The following ITSN1 variants were observed in gnomAD, a reference collection of about 807,000 sequenced individuals.
The protein encoded by ITSN1 is intersectin-1.
A neutral mutation model predicts 239.8 loss-of-function variants in ITSN1; 58 were observed. That is an observed-to-expected ratio of 0.24 (90% CI 0.20 to 0.30). The LOEUF is 0.30. ITSN1 is among the 10% of genes least tolerant of loss of function. The pLI is 1.00. For missense variants in ITSN1, 1,558 were observed against 2,103.3 expected (o/e 0.74, Z 5.07); for synonymous variants, 780 against 770.8 (o/e 1.01, Z -0.20).
At chr21:33,825,200 A>AC (rs1328936568) in intron 25 of ITSN1, among the ~76,000 whole-genome samples, 4 of 152,158 alleles carry the variant, frequency 2.6e-5, no homozygotes, top group Non-Finnish European at 5.9e-5. Flanking sequence ...ACACACAGTG[A>AC]CTTTTTTTTT....
chr21:33,759,588 G>A (rs571151945), intron 8 of ITSN1, among the ~76,000 whole-genome samples: 1 of 152,272 alleles, frequency 6.6e-6, no homozygotes, highest in African/African-American at 2.4e-5. Context: ...ACTAAAGAAA[G>A]TGATGCCTGA....
intron 1 of ITSN1, among the ~76,000 whole-genome samples, chr21:33,647,272 A>G (rs1230486194): frequency 6.6e-6 from 1 of 152,208 alleles, no homozygotes; most frequent in Admixed American, 6.5e-5. Context: ...CCGTAAGTCT[A>G]CTACCTGCAT....
chr21:33,849,587 CCT>C (rs2075095924), intron 29 of ITSN1, among the ~76,000 whole-genome samples: 2 of 148,114 alleles, frequency 1.4e-5, no homozygotes, highest in Non-Finnish European at 3.0e-5. Context: ...AAAAAAAAGA[CCT>C]AGTATTTGAT....
intron 11 of ITSN1, among the ~76,000 whole-genome samples, chr21:33,770,541 A>T (rs1173609160): frequency 6.6e-6 from 1 of 151,770 alleles, no homozygotes; most frequent in Non-Finnish European, 1.5e-5. Context: ...TACTTTCCTC[A>T]CCTCACAACA....
At chr21:33,647,751 C>T (rs776168413) in intron 1 of ITSN1, among the ~76,000 whole-genome samples, 1 of 152,214 alleles carries the variant, frequency 6.6e-6, no homozygotes, top group Non-Finnish European at 1.5e-5. Context: ...CTGCCTCAGC[C>T]TCCCAAAGTG....
intron 1 of ITSN1, among the ~76,000 whole-genome samples, chr21:33,654,771 A>G (rs1349109711): frequency 6.6e-6 from 1 of 152,206 alleles, no homozygotes; most frequent in Non-Finnish European, 1.5e-5. Flanking sequence ...GGACTAAGAA[A>G]GATGATTTAT....
chr21:33,688,875 TGCAGTGGC>T (rs1025894085), intron 1 of ITSN1, among the ~76,000 whole-genome samples: 127 of 151,338 alleles, frequency 8.4e-4, no homozygotes, highest in African/African-American at 3.0e-3. Flanking sequence ...GGTGCAGTGG[TGCAGTGGC>T]ACGATCTCGG....
Position 33,775,311 on chromosome 21 carries a change from T to A in ITSN1, c.1596+203T>A, listed in dbSNP as rs114038824. ...TCAGCAAATATTTACTGAGCACTGC[T>A]TCGGGCCAGGTGCTTTTGCAGTTTC... On this transcript the variant is annotated intron_variant, in intron 14 of 39. Coordinates refer to ENST00000381318, the MANE Select transcript of ITSN1 (RefSeq NM_003024.3). 5.2e-3 allele frequency among the ~76,000 whole-genome samples: 799 copies of A among 152,306 alleles called. 5 individuals are homozygous for A. The highest frequency in any genetic ancestry group is 0.019 in the African/African-American group (771 of 41,586).
chr21:33,845,883 C>A (rs2074974444), intron 29 of ITSN1, among the ~76,000 whole-genome samples: 1 of 152,192 alleles, frequency 6.6e-6, no homozygotes, highest in Non-Finnish European at 1.5e-5. Context: ...CATGGGAGTC[C>A]CTCCTCAGAG....
rs1986832553 is a variant in ITSN1, at chr21:33,897,205, A to AATT, written c.*8905_*8906insATT. 2 of 152,302 alleles carry AATT rather than the reference A, an allele frequency of 1.3e-5. No individual in the cohort carries two copies. Among genetic ancestry groups the AATT allele is most frequent in the South Asian group, 4.1e-4 (2 of 4,832 alleles). The allele number at this position is 152,302 out of a possible 1,614,324, so 9.4% of individuals were successfully genotyped here. ...TGCATTTAAAGCCTACATGGCCAAT[A>AATT]GCCCAAGTATCTTTGAACTGTGAAA... On this transcript the variant is annotated 3_prime_UTR_variant, in exon 40 of 40. Coordinates refer to ENST00000381318, the MANE Select transcript of ITSN1 (RefSeq NM_003024.3).
chr21:33,810,385 A>G (rs2072816936), intron 20 of ITSN1, among the ~76,000 whole-genome samples: 1 of 152,218 alleles, frequency 6.6e-6, no homozygotes, highest in South Asian at 2.1e-4. Flanking sequence ...GCTGTAAATA[A>G]TGACTTCCTT....
chr21:33,658,621 G>A (rs1211542671), intron 1 of ITSN1, among the ~76,000 whole-genome samples: 1 of 152,178 alleles, frequency 6.6e-6, no homozygotes, highest in Non-Finnish European at 1.5e-5. Context: ...GTTACTGGCT[G>A]CATGACTGTA....
At chr21:33,857,757 A>G (rs1303439493) in intron 30 of ITSN1, among the ~76,000 whole-genome samples, 1 of 152,176 alleles carries the variant, frequency 6.6e-6, no homozygotes, top group Non-Finnish European at 1.5e-5. Flanking sequence ...TTAAATATGC[A>G]GTTCAGGATG....
chr21:33,885,373 C>A, intron 37 of ITSN1, 66 bp from the exon 38 acceptor site: 1 of 1,400,958 alleles, frequency 7.1e-7, no homozygotes, highest in Non-Finnish European at 1.0e-6. Flanking sequence ...CATTGTGAGG[C>A]TCACAGAGAT....
At chr21:33,850,184 C>T (rs908615450) in intron 29 of ITSN1, among the ~76,000 whole-genome samples, 1 of 151,394 alleles carries the variant, frequency 6.6e-6, no homozygotes, top group African/African-American at 2.5e-5. Context: ...GCCTGGCAAC[C>T]CCTGTGGACT....
At chr21:33,707,379 G>A (rs2092284585) in intron 1 of ITSN1, among the ~76,000 whole-genome samples, 1 of 152,048 alleles carries the variant, frequency 6.6e-6, no homozygotes, top group South Asian at 2.1e-4. Flanking sequence ...TCCCACCTTG[G>A]CATCCCAAAG....
At chr21:33,676,669 G>A (rs944914195) in intron 1 of ITSN1, among the ~76,000 whole-genome samples, 2 of 152,314 alleles carry the variant, frequency 1.3e-5, no homozygotes, top group Non-Finnish European at 2.9e-5. Flanking sequence ...TGGTTGCACT[G>A]TGCAAACATT....
intron 1 of ITSN1, among the ~76,000 whole-genome samples, chr21:33,649,263 G>A (rs766175558): frequency 2.0e-5 from 3 of 152,210 alleles, no homozygotes; most frequent in Non-Finnish European, 4.4e-5. Flanking sequence ...CTTCCTGAAT[G>A]TGAAGGCCTC....
At chr21:33,710,515 A>C (rs2092385203) in intron 1 of ITSN1, among the ~76,000 whole-genome samples, 1 of 152,148 alleles carries the variant, frequency 6.6e-6, no homozygotes, top group Admixed American at 6.6e-5. Flanking sequence ...TGCCATTTCT[A>C]GGATAAACTA....
Sources: allele counts gnomAD v4.1 joint callset (sites outside exome capture counted in the v4.1 genomes callset), GRCh38; gene constraint gnomAD v4.1.1; transcripts MANE v1.5; gene names NCBI Gene and HGNC (gene_info 2026-07-23, HGNC 2026-07-21).